CNTN5: variants seen among roughly 807,000 people sequenced by gnomAD.
CNTN5 encodes the protein contactin 5.
CNTN5 carries 77 observed loss-of-function variants against 129.1 expected under a neutral mutation model. The observed-to-expected ratio is 0.60, with a 90% confidence interval of 0.50 to 0.72. The LOEUF is 0.72. CNTN5 is among the 30% of genes least tolerant of loss of function. The pLI, the probability that CNTN5 is intolerant of heterozygous loss-of-function variation, is 0.00. For synonymous variants in CNTN5, 509 were observed against 465.6 expected (o/e 1.09, Z -1.20); for missense variants, 1,478 against 1,328.8 (o/e 1.11, Z -1.75).
intron 1 of CNTN5, among the ~76,000 whole-genome samples, chr11:99,067,130 C>G (rs914769415): frequency 6.6e-6 from 1 of 152,254 alleles, no homozygotes; most frequent in Non-Finnish European, 1.5e-5. Context: ...AGGACACTGA[C>G]TAATACACAA....
intron 1 of CNTN5, among the ~76,000 whole-genome samples, chr11:99,260,928 A>G (rs1368482167): frequency 6.6e-6 from 1 of 151,960 alleles, no homozygotes; most frequent in Non-Finnish European, 1.5e-5. Context: ...AGATGTGGGC[A>G]TTTGTTTACT....
intron 2 of CNTN5, among the ~76,000 whole-genome samples, chr11:99,456,804 C>G (rs1944512728): frequency 6.6e-6 from 1 of 152,030 alleles, no homozygotes. Flanking sequence ...AATATCACCT[C>G]TGAAGTACAT....
intron 6 of CNTN5, among the ~76,000 whole-genome samples, chr11:99,898,316 G>A (rs1177709489): frequency 6.6e-6 from 1 of 151,896 alleles, no homozygotes; most frequent in Non-Finnish European, 1.5e-5. Flanking sequence ...TAGAATGCTA[G>A]CTAGCCTAAG....
At chr11:99,810,801 G>T (rs749294829) in intron 3 of CNTN5, among the ~76,000 whole-genome samples, 13 of 152,076 alleles carry the variant, frequency 8.5e-5, no homozygotes, top group Non-Finnish European at 1.8e-4. Context: ...TTTGAAAAAG[G>T]TCAGGTATCA....
intron 3 of CNTN5, among the ~76,000 whole-genome samples, chr11:99,638,541 C>T (rs929087904): frequency 1.3e-5 from 2 of 152,248 alleles, no homozygotes; most frequent in African/African-American, 4.8e-5. Flanking sequence ...TGCCTATGAG[C>T]CTGTAAAATC....
At chr11:100,152,119 C>T (rs568720492) in intron 13 of CNTN5, among the ~76,000 whole-genome samples, 1 of 152,152 alleles carries the variant, frequency 6.6e-6, no homozygotes, top group Non-Finnish European at 1.5e-5. Flanking sequence ...CTTCCACCAC[C>T]CTGTGGCTTG....
intron 8 of CNTN5, among the ~76,000 whole-genome samples, chr11:99,963,327 T>C (rs947512686): frequency 6.6e-6 from 1 of 152,122 alleles, no homozygotes; most frequent in Non-Finnish European, 1.5e-5. Context: ...TCTTGAATTA[T>C]TTTTTGTATA....
At chr11:99,689,476 G>A (rs1379407603) in intron 3 of CNTN5, among the ~76,000 whole-genome samples, 1 of 144,864 alleles carries the variant, frequency 6.9e-6, no homozygotes, top group East Asian at 2.0e-4. Context: ...GCAGTGAGCC[G>A]AGGTCGCGCC....
At chr11:99,036,618 G>A (rs1863748470) in intron 1 of CNTN5, among the ~76,000 whole-genome samples, 1 of 151,908 alleles carries the variant, frequency 6.6e-6, no homozygotes, top group African/African-American at 2.4e-5. Flanking sequence ...TCATTGAGAA[G>A]GTACACTTAA....
rs146063980 is a variant in CNTN5 at position 100,230,296 on chromosome 11, G to C, written c.2005+5484G>C. Among the ~76,000 whole-genome samples the C allele has an allele frequency of 7.7e-3, 1,167 of 152,160 alleles. 18 individuals carry two copies. The highest frequency in any genetic ancestry group is 0.026 in the African/African-American group (1,095 of 41,518). On this transcript the variant is annotated intron_variant, in intron 16 of 24. Transcript: ENST00000524871. ...TTAGATCACTATTATTGCTATTATT[G>C]TATGGGATTATTTAAATAGCTTATA...
intron 13 of CNTN5, among the ~76,000 whole-genome samples, chr11:100,168,797 G>C (rs11223065): frequency 0.054 from 8,273 of 151,974 alleles, 224 homozygotes; most frequent in Non-Finnish European, 0.063. Context: ...TCCTCTGATG[G>C]ATCTGGGCAA....
At chr11:99,857,621 C>T (rs1415866542) in intron 6 of CNTN5, among the ~76,000 whole-genome samples, 1 of 151,942 alleles carries the variant, frequency 6.6e-6, no homozygotes, top group Non-Finnish European at 1.5e-5. Context: ...CATTTTAATG[C>T]AGTAATAATA....
intron 2 of CNTN5, among the ~76,000 whole-genome samples, chr11:99,489,008 T>C: frequency 6.6e-6 from 1 of 152,054 alleles, no homozygotes; most frequent in East Asian, 1.9e-4. Flanking sequence ...GAGCAGAAGA[T>C]CTCAAGAGAG....
chr11:99,904,989 G>C (rs572739049), intron 6 of CNTN5, among the ~76,000 whole-genome samples: 1 of 127,346 alleles, frequency 7.9e-6, no homozygotes, highest in South Asian at 2.2e-4. Context: ...TGATGGGTTT[G>C]TCTGTTCTTT....
intron 6 of CNTN5, among the ~76,000 whole-genome samples, chr11:99,891,852 G>T (rs1949068451): frequency 1.3e-5 from 2 of 152,052 alleles, no homozygotes; most frequent in Non-Finnish European, 2.9e-5. Context: ...ACCCAGTAAT[G>T]GGATTGCTGG....
At chr11:99,706,622 T>C (rs1954766490) in intron 3 of CNTN5, among the ~76,000 whole-genome samples, 1 of 151,468 alleles carries the variant, frequency 6.6e-6, no homozygotes, top group African/African-American at 2.4e-5. Flanking sequence ...GTATGTGGTG[T>C]CGTCAGAAAC....
At chr11:100,262,190 A>T (rs1186047326) in intron 17 of CNTN5, among the ~76,000 whole-genome samples, 1 of 152,244 alleles carries the variant, frequency 6.6e-6, no homozygotes, top group African/African-American at 2.4e-5. Flanking sequence ...CAAATGTATG[A>T]AAAAAAGCTC....
chr11:99,896,228 T>C (rs1949201809), intron 6 of CNTN5, among the ~76,000 whole-genome samples: 1 of 152,172 alleles, frequency 6.6e-6, no homozygotes, highest in South Asian at 2.1e-4. Context: ...GTCCCTGCCT[T>C]CACTGCTCTC....
At chr11:99,486,390 T>C (rs1945812478) in intron 2 of CNTN5, among the ~76,000 whole-genome samples, 1 of 152,140 alleles carries the variant, frequency 6.6e-6, no homozygotes, top group South Asian at 2.1e-4. Flanking sequence ...CCTAAATCTT[T>C]GTATCCAAGC....
Sources: allele counts gnomAD v4.1 joint callset (sites outside exome capture counted in the v4.1 genomes callset), GRCh38; gene constraint gnomAD v4.1.1; transcripts MANE v1.5; gene names NCBI Gene and HGNC (gene_info 2026-07-23, HGNC 2026-07-21).